The following CDYL2 variants were observed in gnomAD, a reference collection of about 807,000 sequenced individuals.
CDYL2 encodes the protein chromodomain Y-like protein 2.
A neutral mutation model predicts 49.4 loss-of-function variants in CDYL2; 23 were observed. The observed-to-expected ratio is 0.47, with a 90% CI of 0.34 to 0.66. The LOEUF (loss-of-function observed/expected upper bound fraction) is 0.66. Ranked by LOEUF, CDYL2 falls within the 30% of genes least tolerant of loss-of-function variation. The pLI is 0.01. For missense variants in CDYL2, 678 were observed against 656.4 expected, an observed-to-expected ratio of 1.03 and a Z score of -0.36; for synonymous variants, 360 against 268.8, an observed-to-expected ratio of 1.34 and a Z score of -3.32.
At chr16:80,720,786 C>G (rs1368331050) in intron 1 of CDYL2, among the ~76,000 whole-genome samples, 1 of 152,094 alleles carries the variant, frequency 6.6e-6, no homozygotes, top group African/African-American at 2.4e-5. Context: ...AGTAGGCTGG[C>G]CTGGGAATCC....
At chr16:80,655,597 A>G (rs150603692) in intron 2 of CDYL2, among the ~76,000 whole-genome samples, 7 of 152,186 alleles carry the variant, frequency 4.6e-5, no homozygotes, top group Non-Finnish European at 1.0e-4. Context: ...CCCTGAGGCC[A>G]TCTTACCAAA....
chr16:80,680,873 C>T (rs1190579077), intron 2 of CDYL2, among the ~76,000 whole-genome samples: 2 of 152,066 alleles, frequency 1.3e-5, no homozygotes, highest in Non-Finnish European at 2.9e-5. Flanking sequence ...CTGATTCATT[C>T]AACTGGGATA....
At chr16:80,750,804 G>C (rs1906107096) in intron 1 of CDYL2, among the ~76,000 whole-genome samples, 1 of 152,200 alleles carries the variant, frequency 6.6e-6, no homozygotes, top group African/African-American at 2.4e-5. Flanking sequence ...CGGATCACGA[G>C]CTCAGGAGAT....
chr16:80,763,671 G>C (rs368389658), intron 1 of CDYL2, among the ~76,000 whole-genome samples: 3 of 152,106 alleles, frequency 2.0e-5, no homozygotes, highest in African/African-American at 7.2e-5. Flanking sequence ...CAAAGACTAA[G>C]AGAGGAAGGG....
At chr16:80,632,974 G>A in intron 3 of CDYL2, 45 bp downstream of exon 3, 1 of 1,560,666 alleles carries the variant, frequency 6.4e-7, no homozygotes, top group Non-Finnish European at 8.8e-7. Flanking sequence ...GAGTGAGAAG[G>A]AGCCACAGCC....
rs997625402 is a variant in CDYL2, at chr16:80,804,254, T to TGCGCGTGTGTGTGC, written c.-95_-82dup. On this transcript the variant is annotated 5_prime_UTR_variant, in exon 1 of 7. Transcript: ENST00000570137. ...GTGCGTGTGCGCGCGGGGTCCGGTG[T>TGCGCGTGTGTGTGC]GCGCGTGTGTGTGCGCGCGTGTGTG... The TGCGCGTGTGTGTGC allele has an allele frequency of 3.4e-5, 43 of 1,248,278 alleles. No homozygotes were observed. Among genetic ancestry groups the TGCGCGTGTGTGTGC allele is most frequent in the African/African-American group, 4.9e-5 (3 of 61,280 alleles). 77.3% of individuals were successfully genotyped at this position (1,248,278 alleles called of 1,614,324 possible). A position where few individuals can be genotyped will look rare whatever the true frequency, so the allele number is the denominator to read the frequency against.
intron 1 of CDYL2, among the ~76,000 whole-genome samples, chr16:80,762,273 C>T (rs1444142697): frequency 1.3e-5 from 2 of 152,154 alleles, no homozygotes; most frequent in African/African-American, 4.8e-5. Flanking sequence ...TCAGAAGAGT[C>T]GCAGAGTGAA....
intron 1 of CDYL2, among the ~76,000 whole-genome samples, chr16:80,706,798 CA>C (rs777512003): frequency 6.6e-6 from 1 of 152,162 alleles, no homozygotes; most frequent in Non-Finnish European, 1.5e-5. Flanking sequence ...CAAGAGTACA[CA>C]ATGGAAAATC....
intron 1 of CDYL2, among the ~76,000 whole-genome samples, chr16:80,777,507 C>G (rs974568625): frequency 4.0e-5 from 6 of 151,760 alleles, no homozygotes; most frequent in African/African-American, 1.5e-4. Flanking sequence ...AGAGAAAGTA[C>G]AAATCTACAA....
intron 2 of CDYL2, among the ~76,000 whole-genome samples, chr16:80,680,164 A>C (rs967032095): frequency 1.3e-5 from 2 of 152,242 alleles, no homozygotes; most frequent in Non-Finnish European, 2.9e-5. Flanking sequence ...AGATCAATGG[A>C]GAGAAAATGG....
At chr16:80,766,079 G>C (rs998606829) in intron 1 of CDYL2, among the ~76,000 whole-genome samples, 6 of 151,970 alleles carry the variant, frequency 3.9e-5, no homozygotes, top group Non-Finnish European at 7.4e-5. Flanking sequence ...GCTAAGGGAT[G>C]AGGAGGGTGG....
intron 2 of CDYL2, among the ~76,000 whole-genome samples, chr16:80,665,309 G>A (rs1048517344): frequency 4.0e-5 from 6 of 151,836 alleles, no homozygotes; most frequent in African/African-American, 4.8e-5. Context: ...GGGCACTGCC[G>A]TACCTGCTCA....
intron 2 of CDYL2, among the ~76,000 whole-genome samples, chr16:80,668,976 C>T (rs970426096): frequency 1.3e-5 from 2 of 151,732 alleles, no homozygotes; most frequent in African/African-American, 4.8e-5. Flanking sequence ...TTTTACAACT[C>T]ACCTATTTGT....
At chr16:80,774,582 G>A (rs1907019221) in intron 1 of CDYL2, among the ~76,000 whole-genome samples, 1 of 151,964 alleles carries the variant, frequency 6.6e-6, no homozygotes, top group Non-Finnish European at 1.5e-5. Context: ...AAATTGGTGA[G>A]GTAACAGATA....
At chr16:80,727,638 G>C (rs1259962940) in intron 1 of CDYL2, among the ~76,000 whole-genome samples, 1 of 152,230 alleles carries the variant, frequency 6.6e-6, no homozygotes. Context: ...CTCCACCTCT[G>C]GGGGCAGGGC....
intron 6 of CDYL2, among the ~76,000 whole-genome samples, chr16:80,605,025 C>G (rs1277845973): frequency 2.6e-5 from 4 of 152,142 alleles, no homozygotes; most frequent in African/African-American, 9.7e-5. Flanking sequence ...TGTTAGTAAT[C>G]ATGGTAGTAA....
At chr16:80,717,887 C>T (rs150097129) in intron 1 of CDYL2, among the ~76,000 whole-genome samples, 23 of 152,270 alleles carry the variant, frequency 1.5e-4, no homozygotes, top group Middle Eastern at 3.4e-3. Flanking sequence ...CCACATGGTT[C>T]GTGGAAGCAA....
intron 2 of CDYL2, among the ~76,000 whole-genome samples, chr16:80,664,233 C>A (rs1909166910): frequency 6.6e-6 from 1 of 152,208 alleles, no homozygotes; most frequent in African/African-American, 2.4e-5. Context: ...CCAGGACTGT[C>A]TGAGGTTCTC....
chr16:80,639,653 A>G, intron 2 of CDYL2: 1 of 455,062 alleles, frequency 2.2e-6, no homozygotes, highest in Middle Eastern at 3.7e-4. Context: ...AGAACAAAAA[A>G]TCAGGTGAGC....
Sources: allele counts gnomAD v4.1 joint callset (sites outside exome capture counted in the v4.1 genomes callset), GRCh38; gene constraint gnomAD v4.1.1; transcripts MANE v1.5; gene names NCBI Gene and HGNC (gene_info 2026-07-23, HGNC 2026-07-21).